Variants in PDLIM3 observed in about 807,000 individuals in gnomAD.
PDLIM3 encodes PDZ and LIM domain 3.
In PDLIM3, 36 loss-of-function variants were observed where a neutral mutation model predicts 37.3. The observed-to-expected ratio is 0.97, with a 90% CI of 0.74 to 1.28. The LOEUF (loss-of-function observed/expected upper bound fraction) is 1.28. Ranked by LOEUF, PDLIM3 falls within the 50% of genes most tolerant of loss-of-function variation. The pLI is 0.00. For missense variants in PDLIM3, 454 were observed against 485.0 expected, an observed-to-expected ratio of 0.94 and a Z score of 0.60; for synonymous variants, 174 against 182.4, an observed-to-expected ratio of 0.95 and a Z score of 0.37.
chr4:185,535,236 C>G (rs1041751603), intron 1 of PDLIM3, 106 bp downstream of exon 1: 35 of 1,022,896 alleles, frequency 3.4e-5, no homozygotes, highest in Non-Finnish European at 4.8e-5. Flanking sequence ...GTCCGCCCGC[C>G]CTCGCGCGCT....
chr4:185,532,689 A>C (rs962461546), intron 1 of PDLIM3, among the ~76,000 whole-genome samples: 2 of 152,226 alleles, frequency 1.3e-5, no homozygotes, highest in Non-Finnish European at 2.9e-5. Flanking sequence ...AAAAGTCATG[A>C]ATGTTGTGCA....
rs1193206985 is a variant in PDLIM3, at chr4:185,504,584, C to T, written c.796G>A (p.Asp266Asn). ...ACACTCCGCGTTCCAGCCGGACGGT[C>T]ATCTGAAAAACAAAGCGTTTCCATT... is the stretch of plus-strand genomic sequence containing the variant. Reference protein sequence around the residue: ...LQGMVDDGSDDRPAGTRSVRA... With the variant: ...LQGMVDDGSDNRPAGTRSVRA... Residue 266 changes from aspartate (D) to asparagine (N), a missense_variant and splice_region_variant, in exon 7 of 8, where the codon GAC becomes AAC. Transcript: ENST00000284767. The surrounding 1 kb of genome is among the most constrained non-coding windows in gnomAD (Gnocchi z 4.7). 6.2e-7 allele frequency: 1 copy of T among 1,613,340 alleles called. No homozygotes were observed.
At chr4:185,512,346 G>C (rs1580245361) in intron 4 of PDLIM3, 1 of 152,200 alleles carries the variant, frequency 6.6e-6, no homozygotes, top group East Asian at 1.9e-4. Context: ...CTCCCAAAGT[G>C]CTGGGATTAC....
At chr4:185,517,426 TAA>T (rs1224319415) in intron 3 of PDLIM3, 2 of 133,758 alleles carry the variant, frequency 1.5e-5, no homozygotes, top group Non-Finnish European at 3.1e-5. Context: ...ATTGAATTAA[TAA>T]AAACTAACAT....
rs11362501 is a variant in PDLIM3, at chr4:185,511,368, C to CT, written c.399-2807dup. The stretch of plus-strand genomic sequence containing the variant: ...ACAATTTAGCATGTCCAACTTACTA[C>CT]TTTTTTTTTTTTTTGAGACAGTCTC... On this transcript the variant is annotated intron_variant, in intron 4 of 7. Transcript: ENST00000284767. Among the ~76,000 whole-genome samples, 80 of 145,862 alleles carry CT rather than the reference C, an allele frequency of 5.5e-4. 1 individual carries two copies. Among genetic ancestry groups the CT allele is most frequent in the Admixed American group, 2.3e-3 (34 of 14,712 alleles).
intron 3 of PDLIM3, chr4:185,515,054 C>T: frequency 1.8e-6 from 1 of 554,420 alleles, no homozygotes; most frequent in Non-Finnish European, 3.1e-6. Context: ...ATGGTTTTCT[C>T]TGAGCTTTAC....
chr4:185,521,885 A>G (rs1359962229), intron 3 of PDLIM3, among the ~76,000 whole-genome samples: 1 of 65,968 alleles, frequency 1.5e-5, no homozygotes, highest in African/African-American at 2.8e-5. Context: ...GGAGGGACTC[A>G]GAGGGAAGAC....
intron 5 of PDLIM3, 140 bp downstream of exon 5, chr4:185,508,159 T>C (rs1227830177): frequency 1.2e-6 from 1 of 826,932 alleles, no homozygotes; most frequent in African/African-American, 1.7e-5. Flanking sequence ...GCCTAGATAT[T>C]TGCAGTAAAT....
Position 185,501,520 on chromosome 4 carries a change from A to T in PDLIM3, c.*774T>A, listed in dbSNP as rs2095687056. 6.6e-6 allele frequency: 1 copy of T among 152,256 alleles called. No individual in the cohort carries two copies. Among genetic ancestry groups the T allele is most frequent in the Non-Finnish European group, 1.5e-5 (1 of 68,090 alleles). 9.4% of individuals were successfully genotyped at this position (152,256 alleles called of 1,614,324 possible). On this transcript the variant is annotated 3_prime_UTR_variant, in exon 8 of 8. Transcript: ENST00000284767. The stretch of plus-strand genomic sequence containing the variant: ...ATTTAAATTGAAAGAGTCTCTGTTG[A>T]AGCAAGTGAAACTTTTAATTTGAAA...
At chr4:185,509,874 C>T (rs1483217600) in intron 4 of PDLIM3, among the ~76,000 whole-genome samples, 1 of 151,974 alleles carries the variant, frequency 6.6e-6, no homozygotes, top group Non-Finnish European at 1.5e-5. Flanking sequence ...AGCAATGTTG[C>T]AGCCGGATTA....
intron 5 of PDLIM3, chr4:185,506,915 GAT>G: frequency 2.4e-6 from 1 of 418,420 alleles, no homozygotes; most frequent in South Asian, 2.9e-5. Context: ...GAAACTAAAA[GAT>G]AATTGTCAGG....
chr4:185,524,728 T>C (rs1294740609), intron 2 of PDLIM3, among the ~76,000 whole-genome samples: 1 of 152,382 alleles, frequency 6.6e-6, no homozygotes, highest in Non-Finnish European at 1.5e-5. Context: ...GTTCAGTGTT[T>C]ATGTGGCTAA....
At chr4:185,512,537 G>T in intron 4 of PDLIM3, 1 of 348,744 alleles carries the variant, frequency 2.9e-6, no homozygotes, top group Non-Finnish European at 4.0e-6. Flanking sequence ...CTATGTTTAA[G>T]TTAAAATGAA....
intron 3 of PDLIM3, among the ~76,000 whole-genome samples, chr4:185,519,338 T>G (rs1230009356): frequency 6.6e-6 from 1 of 152,174 alleles, no homozygotes; most frequent in Admixed American, 6.5e-5. Context: ...CAGGCTGGAG[T>G]GCAGTGGTGC....
At chr4:185,506,258 G>A (rs2095696884) in intron 6 of PDLIM3, among the ~76,000 whole-genome samples, 1 of 152,160 alleles carries the variant, frequency 6.6e-6, no homozygotes, top group African/African-American at 2.4e-5. Context: ...TTTGTAAGCT[G>A]AGCTAGCCCT....
At position 185,514,478 on chromosome 4, in the gene PDLIM3, G is replaced by A; in HGVS notation, c.331-141C>T. The A allele has an allele frequency of 1.3e-6, 2 of 1,526,686 alleles. No homozygotes were observed. The highest frequency in any genetic ancestry group is 1.2e-5 in the South Asian group (1 of 85,354). The allele number at this position is 1,526,686 out of a possible 1,614,324, so 94.6% of individuals were successfully genotyped here. On this transcript the variant is annotated intron_variant, in intron 3 of 7. Coordinates refer to ENST00000284767, the MANE Select transcript of PDLIM3 (RefSeq NM_014476.6). The surrounding 1 kb of genome is among the most constrained non-coding windows in gnomAD (Gnocchi z 4.0). Reference sequence around the variant, plus strand: ...CTAAGAAAGGCGATGACGGGACCAGGACGATGTCTTCTTTCCAACCATCTA... The same window carrying A: ...CTAAGAAAGGCGATGACGGGACCAGAACGATGTCTTCTTTCCAACCATCTA...
In PDLIM3 at chr4:185,502,372, C is replaced by T. The variant is rs1389495789; in HGVS notation, c.1017G>A (p.Leu339=). 5 of 1,614,230 alleles carry T rather than the reference C, an allele frequency of 3.1e-6. No individual in the cohort carries two copies. The highest frequency in any genetic ancestry group is 1.1e-5 in the South Asian group (1 of 91,082). The change falls in exon 8 of 8, where the codon CTG becomes CTA. Residue 339 remains leucine, a synonymous_variant. Transcript: ENST00000284767. ...QKGYFFIEGE[L]YCETHARART... ...GGGCTCTTGCGTGGGTTTCGCAGTACAGCTCCCCTTCTATGAAGAAGTAGC... is the reference window on the plus strand; with the variant it reads ...GGGCTCTTGCGTGGGTTTCGCAGTATAGCTCCCCTTCTATGAAGAAGTAGC...
At chr4:185,527,123 T>C (rs2095735670) in intron 1 of PDLIM3, among the ~76,000 whole-genome samples, 2 of 152,326 alleles carry the variant, frequency 1.3e-5, no homozygotes, top group South Asian at 4.1e-4. Flanking sequence ...AAAGCATTTG[T>C]CAGAGCTTAT....
chr4:185,529,611 A>G (rs2095740407), intron 1 of PDLIM3, among the ~76,000 whole-genome samples: 1 of 152,148 alleles, frequency 6.6e-6, no homozygotes, highest in Admixed American at 6.5e-5. Context: ...TTCTAGAGCC[A>G]CACCCCACAC....
Sources: gnomAD v4.1 joint callset for allele counts (sites outside exome capture counted in the v4.1 genomes callset) on GRCh38, gnomAD v4.1.1 for gene constraint, Gnocchi (gnomAD v3.1) non-coding constraint, MANE v1.5 for transcripts, NCBI Gene and HGNC (gene_info 2026-07-23, HGNC 2026-07-21) for gene names.